DYSF: variants seen among roughly 807,000 people sequenced by gnomAD.
DYSF encodes dystrophy-associated fer-1-like 1.
DYSF carries 212 observed loss-of-function variants against 274.9 expected under a neutral mutation model. The ratio of observed to expected loss-of-function variants is 0.77; its 90% CI spans 0.69 to 0.86. DYSF has a LOEUF of 0.86. Ranked by LOEUF, DYSF falls within the 40% of genes least tolerant of loss-of-function variation. The pLI is 0.00. For synonymous variants in DYSF, 1,091 were observed against 1,078.7 expected (o/e 1.01, Z -0.22); for missense variants, 2,666 against 2,783.2 (o/e 0.96, Z 0.95).
intron 4 of DYSF, among the ~76,000 whole-genome samples, chr2:71,504,136 G>A (rs1209582370): frequency 2.6e-5 from 4 of 152,184 alleles, no homozygotes; most frequent in Non-Finnish European, 4.4e-5. Context: ...ATCTCTGAAT[G>A]GAACGAGACT....
chr2:71,609,854 CG>C (rs1421146903), intron 36 of DYSF, among the ~76,000 whole-genome samples: 1 of 152,174 alleles, frequency 6.6e-6, no homozygotes, highest in African/African-American at 2.4e-5. Flanking sequence ...TATGGCAGAG[CG>C]TCTGTATGGA....
chr2:71,610,154 T>C (rs1378273629), intron 36 of DYSF, among the ~76,000 whole-genome samples: 1 of 152,212 alleles, frequency 6.6e-6, no homozygotes, highest in East Asian at 1.9e-4. Context: ...TGTCTTGTTC[T>C]AATAAACTCA....
intron 42 of DYSF, among the ~76,000 whole-genome samples, chr2:71,654,237 A>G (rs1038946373): frequency 1.3e-5 from 2 of 152,300 alleles, no homozygotes; most frequent in South Asian, 4.2e-4. Context: ...AAAGCTAAAA[A>G]TGGGTGAAAG....
chr2:71,605,904 G>C (rs781041613), intron 36 of DYSF, among the ~76,000 whole-genome samples: 1 of 152,108 alleles, frequency 6.6e-6, no homozygotes, highest in Non-Finnish European at 1.5e-5. Flanking sequence ...AACGAGCTGG[G>C]TGGGGCAGGC....
At chr2:71,553,663 T>G (rs1473014684) in intron 20 of DYSF, 144 bp from the exon 21 acceptor site, 1 of 1,019,760 alleles carries the variant, frequency 9.8e-7, no homozygotes, top group African/African-American at 1.6e-5. Flanking sequence ...GGTGAGCAGG[T>G]GCCTGTCTCT....
Position 71,590,287 on chromosome 2 carries a change from T to C in DYSF, c.3573T>C (p.Ser1191=), listed in dbSNP as rs1335480480. The change falls in exon 32 of 56, where the codon TCT becomes TCC. Residue 1191 remains serine (S), a splice_region_variant and synonymous_variant. Coordinates refer to ENST00000410020, the MANE Select transcript of DYSF (RefSeq NM_001130987.2). ...CTGCGATGGACAAGGACTCTTTTTCTGGTAGGTGGGAGAGAGGCAGGAGAG... is the reference window on the plus strand; with the variant it reads ...CTGCGATGGACAAGGACTCTTTTTCCGGTAGGTGGGAGAGAGGCAGGAGAG... ...DLAAMDKDSF[S]DPYAIVSFLH... The C allele has an allele frequency of 1.2e-6, 2 of 1,614,126 alleles. No individual in the cohort carries two copies. Among genetic ancestry groups the C allele is most frequent in the Non-Finnish European group, 1.7e-6 (2 of 1,179,980 alleles).
intron 3 of DYSF, among the ~76,000 whole-genome samples, chr2:71,490,150 C>G (rs1186855197): frequency 6.6e-6 from 1 of 152,012 alleles, no homozygotes; most frequent in Non-Finnish European, 1.5e-5. Flanking sequence ...TGTGCACATG[C>G]ATTTTTTTAA....
At chr2:71,618,305 G>GGT (rs1293561126) in intron 40 of DYSF, among the ~76,000 whole-genome samples, 4 of 53,308 alleles carry the variant, frequency 7.5e-5, no homozygotes, top group South Asian at 6.7e-4. Context: ...TGGTAGAGGT[G>GGT]GTGTGTGTGT....
At chr2:71,482,936 G>A (rs1259926585) in intron 3 of DYSF, among the ~76,000 whole-genome samples, 6 of 152,158 alleles carry the variant, frequency 3.9e-5, no homozygotes, top group African/African-American at 1.4e-4. Flanking sequence ...TGGGTCAGTG[G>A]TGTCTGAGGC....
intron 24 of DYSF, among the ~76,000 whole-genome samples, chr2:71,567,412 C>T (rs1397155941): frequency 2.0e-5 from 3 of 152,174 alleles, no homozygotes; most frequent in Admixed American, 6.5e-5. Flanking sequence ...TAGAACTGTG[C>T]TGTCCAATAT....
intron 29 of DYSF, among the ~76,000 whole-genome samples, chr2:71,571,485 A>G (rs901878745): frequency 1.5e-5 from 2 of 134,220 alleles, no homozygotes; most frequent in Non-Finnish European, 3.1e-5. Context: ...CACACATCAC[A>G]CCCAGCACGC....
intron 41 of DYSF, among the ~76,000 whole-genome samples, chr2:71,628,410 A>C (rs1157711918): frequency 7.9e-6 from 1 of 126,578 alleles, no homozygotes; most frequent in Non-Finnish European, 1.7e-5. Flanking sequence ...AGCTATATTC[A>C]CATTTACTTT....
chr2:71,544,423 G>T (rs910049055), intron 17 of DYSF, among the ~76,000 whole-genome samples: 2 of 151,850 alleles, frequency 1.3e-5, no homozygotes, highest in African/African-American at 4.8e-5. Flanking sequence ...TCTCCTAGAA[G>T]AGGAGACTGG....
At position 71,570,080 on chromosome 2, in the gene DYSF, G is replaced by T. The variant is rs994448517; in HGVS notation, c.2979+146G>T. The stretch of plus-strand genomic sequence containing the variant: ...TTTGATTTCCAAAGGGAAAGTGTGG[G>T]GTGCAGTGGTGGCAGGACACTGACT... On this transcript the variant is annotated intron_variant, in intron 27 of 55. Transcript: ENST00000410020. 7.7e-6 allele frequency: 8 copies of T among 1,045,248 alleles called. No homozygotes were observed. The African/African-American group carries it at 1.3e-4, about 16-fold the overall frequency. 64.7% of individuals were successfully genotyped at this position (1,045,248 alleles called of 1,614,324 possible).
chr2:71,609,702 G>C (rs1331719334), intron 36 of DYSF, among the ~76,000 whole-genome samples: 2 of 152,222 alleles, frequency 1.3e-5, no homozygotes, highest in Non-Finnish European at 2.9e-5. Flanking sequence ...CTAGGACTAA[G>C]CTTCCAACTG....
At chr2:71,661,425 C>G (rs1203467116) in intron 45 of DYSF, among the ~76,000 whole-genome samples, 1 of 152,096 alleles carries the variant, frequency 6.6e-6, no homozygotes, top group Non-Finnish European at 1.5e-5. Flanking sequence ...TTCATGTTTT[C>G]CCACTAATGT....
At chr2:71,639,250 C>A (rs2094452044) in intron 41 of DYSF, among the ~76,000 whole-genome samples, 1 of 152,144 alleles carries the variant, frequency 6.6e-6, no homozygotes, top group Admixed American at 6.5e-5. Flanking sequence ...ATATGATTTG[C>A]AAATATTTTC....
intron 40 of DYSF, among the ~76,000 whole-genome samples, chr2:71,618,278 T>G (rs879232578): frequency 3.6e-5 from 1 of 27,934 alleles, no homozygotes; most frequent in Non-Finnish European, 7.6e-5. Context: ...TGTGTGTGTG[T>G]GGTAGAGGTG....
chr2:71,566,381 A>G (rs1001850861), intron 24 of DYSF, among the ~76,000 whole-genome samples: 3 of 146,322 alleles, frequency 2.1e-5, no homozygotes, highest in Non-Finnish European at 4.5e-5. Flanking sequence ...AAAAAAAGAT[A>G]TAGAATTGTT....
Sources: allele counts gnomAD v4.1 joint callset (sites outside exome capture counted in the v4.1 genomes callset), GRCh38; gene constraint gnomAD v4.1.1; transcripts MANE v1.5; gene names NCBI Gene and HGNC (gene_info 2026-07-23, HGNC 2026-07-21).